Variants in ESYT1 observed in about 807,000 individuals in gnomAD.
The protein encoded by ESYT1 is extended synaptotagmin-1.
In ESYT1, 116 loss-of-function variants were observed where a neutral mutation model predicts 154.2. The observed-to-expected ratio is 0.75, with a 90% CI of 0.65 to 0.88. ESYT1 has a LOEUF of 0.88. Ranked by LOEUF, ESYT1 falls within the 40% of genes least tolerant of loss-of-function variation. ESYT1 has a pLI of 0.00. For missense variants in ESYT1, 1,264 were observed against 1,379.3 expected (o/e 0.92, Z 1.32); for synonymous variants, 500 against 539.9 (o/e 0.93, Z 1.02).
intron 15 of ESYT1, among the ~76,000 whole-genome samples, chr12:56,135,872 G>C (rs190560395): frequency 2.7e-5 from 4 of 150,268 alleles, no homozygotes; most frequent in African/African-American, 7.3e-5. Flanking sequence ...CTGGGTGACA[G>C]AGTGAGACTC....
At chr12:56,136,253 C>T (rs1385812475) in intron 15 of ESYT1, among the ~76,000 whole-genome samples, 6 of 151,574 alleles carry the variant, frequency 4.0e-5, no homozygotes, top group African/African-American at 1.5e-4. Context: ...TTTAAATAGG[C>T]CGAGGGAAGA....
rs1467623939 is a variant in ESYT1 at position 56,138,244 on chromosome 12, C to T, written c.2309C>T (p.Pro770Leu). 1.9e-6 allele frequency: 3 copies of T among 1,614,232 alleles called. No individual in the cohort carries two copies. The South Asian group carries it at 3.3e-5, about 18-fold the overall frequency. Reference sequence around the variant, plus strand: ...CACTTGCGCCTGGAGCGTCTCACCCCCCGTCCCACTGCTGCTGAGTTAGAG... The same window carrying T: ...CACTTGCGCCTGGAGCGTCTCACCCTCCGTCCCACTGCTGCTGAGTTAGAG... ...RLHLRLERLT[P>L]RPTAAELEEV... The change falls in exon 21 of 31, where the codon CCC (proline) becomes CTC (leucine). Residue 770 changes from proline to leucine, a missense_variant. Pro to Leu is a moderately conservative substitution (Grantham distance 98). Transcript: ENST00000394048.
rs1870824748 is a variant in ESYT1 at position 56,144,030 on chromosome 12, AC to A, written c.*170del. On this transcript the variant is annotated 3_prime_UTR_variant, in exon 31 of 31. Coordinates refer to ENST00000394048, the MANE Select transcript of ESYT1 (RefSeq NM_015292.3). ...GGCCTTTGCCTGACCAAAGAGAAGAACCGTATGTTCCCTTTACTGCACGGCC... is the reference window on the plus strand; with the variant it reads ...GGCCTTTGCCTGACCAAAGAGAAGAACGTATGTTCCCTTTACTGCACGGCC... The A allele has an allele frequency of 6.8e-7, 1 of 1,481,296 alleles. No individual in the cohort carries two copies. The highest frequency in any genetic ancestry group is 8.9e-7 in the Non-Finnish European group (1 of 1,121,386). The allele number at this position is 1,481,296 out of a possible 1,614,324, so 91.8% of individuals were successfully genotyped here. A position where few individuals can be genotyped will look rare whatever the true frequency, so the allele number is the denominator to read the frequency against.
intron 20 of ESYT1, 28 bp from the exon 21 acceptor site, chr12:56,138,155 C>T: frequency 6.2e-7 from 1 of 1,613,896 alleles, no homozygotes; most frequent in South Asian, 1.1e-5. Flanking sequence ...TGCATATCCC[C>T]AAGTCTTCAC....
intron 21 of ESYT1, 48 bp downstream of exon 21, chr12:56,138,320 T>A (rs1178679998): frequency 6.2e-7 from 1 of 1,612,768 alleles, no homozygotes; most frequent in Admixed American, 1.7e-5. Context: ...TGGGGCAGGA[T>A]GAGCTCTTCT....
chr12:56,139,932 T>A (rs1870624238), intron 24 of ESYT1, among the ~76,000 whole-genome samples: 1 of 150,584 alleles, frequency 6.6e-6, no homozygotes, highest in Non-Finnish European at 1.5e-5. Context: ...CAGGCTGGAG[T>A]GCCGTGGTGC....
Position 56,143,230 on chromosome 12 carries a change from T to G in ESYT1, c.3122T>G (p.Phe1041Cys). 1 of 1,614,152 alleles carries G rather than the reference T, an allele frequency of 6.2e-7. No individual in the cohort carries two copies. The highest frequency in any genetic ancestry group is 1.3e-5 in the African/African-American group (1 of 75,036). Residue 1041 changes from phenylalanine to cysteine, a missense_variant and splice_region_variant, in exon 29 of 31, where the codon TTT (phenylalanine) becomes TGT (cysteine). Transcript: ENST00000394048. ...RTLSPEFNERFEWELPLDEAQ... is the reference protein window; with the variant it reads ...RTLSPEFNERCEWELPLDEAQ... ...CCTAACATCCAGTCCTACCCCAGGT[T>G]TGAGTGGGAACTCCCCCTGGATGAG... is the stretch of plus-strand genomic sequence containing the variant.
intron 29 of ESYT1, 116 bp from the exon 30 acceptor site, chr12:56,143,464 G>A (rs537161998): frequency 2.0e-6 from 3 of 1,506,148 alleles, no homozygotes; most frequent in East Asian, 4.5e-5. Context: ...GGTTTGGGAC[G>A]AGTATGTGAT....
chr12:56,142,690 C>A lies in ESYT1; in HGVS notation c.2846C>A (p.Ser949Tyr). The change falls in exon 26 of 31, where the codon TCC (serine) becomes TAC (tyrosine). Residue 949 changes from serine (S) to tyrosine (Y), a missense_variant. Physicochemically the swap from Ser to Tyr is moderately radical, Grantham distance 144. Transcript: ENST00000394048. This position sits in a 1 kb window ranked among gnomAD's most constrained non-coding sequence, Gnocchi z 4.1. ...TCGGGGGGACCCCCTCACATCACCT[C>A]CTCAGCCCCAGAGCTCCGGCAGCGC... The part of the protein sequence containing the change: ...ELSGGPPHIT[S>Y]SAPELRQRLT... The A allele has an allele frequency of 1.9e-6, 3 of 1,614,076 alleles. No homozygotes were observed. Among genetic ancestry groups the A allele is most frequent in the Non-Finnish European group, 2.5e-6 (3 of 1,180,044 alleles).
At chr12:56,134,290 A>G in intron 14 of ESYT1, 52 bp from the exon 15 acceptor site, 1 of 1,603,798 alleles carries the variant, frequency 6.2e-7, no homozygotes, top group South Asian at 1.1e-5. Context: ...TTTCTGCAGA[A>G]ACAGGAATGG....
intron 16 of ESYT1, 76 bp downstream of exon 16, chr12:56,136,969 A>AC (rs1157909939): frequency 1.5e-5 from 22 of 1,497,654 alleles, no homozygotes; most frequent in East Asian, 6.8e-5. Flanking sequence ...AAGGAAAGGG[A>AC]CCCCCCTAAG....
rs1395414709 is a variant in ESYT1 at position 56,139,147 on chromosome 12, C to G, written c.2592+134C>G. On this transcript the variant is annotated intron_variant, in intron 24 of 30. Transcript: ENST00000394048. The stretch of plus-strand genomic sequence containing the variant: ...TTTTTGAGACAGAGTCTTGCTCTGT[C>G]GCCCAGGCTGGAGTGCAGTGGTGCT... 7.5e-6 allele frequency: 5 copies of G among 668,770 alleles called. No homozygotes were observed. In the African/African-American group the frequency reaches 9.2e-5, roughly 12 times the overall value. The allele number at this position is 668,770 out of a possible 1,614,324, so 41.4% of individuals were successfully genotyped here.
chr12:56,143,733 T>C, intron 30 of ESYT1, 90 bp from the exon 31 acceptor site: 1 of 1,610,100 alleles, frequency 6.2e-7, no homozygotes. Context: ...AACCATTGAT[T>C]CTATCAAGTA....
chr12:56,139,126 T>G (rs79440280), intron 24 of ESYT1, 113 bp downstream of exon 24: 2 of 737,884 alleles, frequency 2.7e-6, no homozygotes, highest in Non-Finnish European at 4.5e-6. Flanking sequence ...TTTTTTTTTT[T>G]GAGACAGAGT....
intron 15 of ESYT1, 152 bp downstream of exon 15, chr12:56,134,580 C>T (rs1051970764): frequency 4.4e-6 from 3 of 688,132 alleles, no homozygotes; most frequent in Admixed American, 2.5e-5. Context: ...CATTGTTCCC[C>T]AACTGTCGCT....
Position 56,137,643 on chromosome 12 carries a change from G to T in ESYT1, c.2083G>T (p.Asp695Tyr). 6.2e-7 allele frequency: 1 copy of T among 1,614,176 alleles called. No individual in the cohort carries two copies. Among genetic ancestry groups the T allele is most frequent in the Non-Finnish European group, 8.5e-7 (1 of 1,180,032 alleles). ...RSFRSHVVREDLNPRWNEVFE... is the reference protein window; with the variant it reads ...RSFRSHVVREYLNPRWNEVFE... ...CTTCCGGAGCCATGTTGTTCGGGAA[G>T]ATCTCAATCCCCGCTGGAATGAGGT... The change falls in exon 18 of 31, where the codon GAT (aspartate) becomes TAT (tyrosine). Residue 695 changes from aspartate to tyrosine, a missense_variant. Physicochemically the swap from Asp to Tyr is radical, Grantham distance 160 (BLOSUM62 -3). Coordinates refer to ENST00000394048, the MANE Select transcript of ESYT1 (RefSeq NM_015292.3).
rs763567977 is a variant in ESYT1, at chr12:56,137,551, G to A, written c.1991G>A (p.Arg664His). 1.4e-5 allele frequency: 23 copies of A among 1,614,032 alleles called. No homozygotes were observed. The highest frequency in any genetic ancestry group is 8.9e-5 in the East Asian group (4 of 44,900). ...GCCCAGGACCTGATTGCCAAAGACC[G>A]TTTCTTGGGGGGACTGGTGAAGGGC... ...LEAQDLIAKD[R>H]FLGGLVKGKS... is the part of the protein sequence containing the mutation. Residue 664 changes from arginine to histidine, a missense_variant, in exon 18 of 31, where the codon CGT becomes CAT. By Grantham distance (29) the Arg-to-His change is conservative. Transcript: ENST00000394048.
Position 56,133,474 on chromosome 12 carries a change from G to C in ESYT1, c.1293+9G>C. 1 of 1,614,224 alleles carries C rather than the reference G, an allele frequency of 6.2e-7. No individual in the cohort carries two copies. The highest frequency in any genetic ancestry group is 8.5e-7 in the Non-Finnish European group (1 of 1,180,042). ...CTAGCGTTCTGGATGATGTAAGTTGGGAGAAGAGGAAGGTGGGGGCTGATC... is the reference window on the plus strand; with the variant it reads ...CTAGCGTTCTGGATGATGTAAGTTGCGAGAAGAGGAAGGTGGGGGCTGATC... On this transcript the variant is annotated intron_variant, in intron 11 of 30. Coordinates refer to ENST00000394048, the MANE Select transcript of ESYT1 (RefSeq NM_015292.3).
Position 56,144,384 on chromosome 12 carries a change from A to G in ESYT1, c.*522A>G, listed in dbSNP as rs1870837372. ...TCCAGTTCTGTCCCCACTGTCCTCA[A>G]CCCTGTCCTGAAAATTCTACTGCTT... On this transcript the variant is annotated 3_prime_UTR_variant, in exon 31 of 31. Transcript: ENST00000394048. 22 of 990,834 alleles carry G rather than the reference A, an allele frequency of 2.2e-5. No individual in the cohort carries two copies. The highest frequency in any genetic ancestry group is 2.4e-5 in the Non-Finnish European group (20 of 833,012). 61.4% of individuals were successfully genotyped at this position (990,834 alleles called of 1,614,324 possible). A position where few individuals can be genotyped will look rare whatever the true frequency, so the allele number is the denominator to read the frequency against.
Sources: allele counts gnomAD v4.1 joint callset (sites outside exome capture counted in the v4.1 genomes callset), GRCh38; gene constraint gnomAD v4.1.1; non-coding constraint Gnocchi (gnomAD v3.1); transcripts MANE v1.5; gene names NCBI Gene and HGNC (gene_info 2026-07-23, HGNC 2026-07-21).